SH3GL2: variants seen among roughly 807,000 people sequenced by gnomAD.
The protein encoded by SH3GL2 is SH3 domain containing GRB2 like 2, endophilin A1.
Under a neutral mutation model 46.0 loss-of-function variants are expected in SH3GL2, and 24 were observed. The ratio of observed to expected loss-of-function variants is 0.52; its 90% CI spans 0.38 to 0.73. The LOEUF (loss-of-function observed/expected upper bound fraction) is 0.73. Among genes scored for constraint, SH3GL2 ranks in the 30% least tolerant of loss-of-function variants. The pLI is 0.00. For missense variants in SH3GL2, 413 were observed against 424.2 expected, an observed-to-expected ratio of 0.97 and a Z score of 0.23; for synonymous variants, 196 against 147.1, an observed-to-expected ratio of 1.33 and a Z score of -2.40.
intron 3 of SH3GL2, among the ~76,000 whole-genome samples, chr9:17,773,109 GCTTTTTAGCCATTTGTATGT>G (rs1273154780): frequency 6.6e-6 from 1 of 152,028 alleles, no homozygotes; most frequent in African/African-American, 2.4e-5. Flanking sequence ...CTTTTTATGT[GCTTTTTAGCCATTTGTATGT>G]CTTCTTTGGG....
chr9:17,609,307 A>G (rs1403309511), intron 1 of SH3GL2, among the ~76,000 whole-genome samples: 2 of 152,032 alleles, frequency 1.3e-5, no homozygotes, highest in African/African-American at 4.8e-5. Context: ...TTTTGCAGAG[A>G]AAGTTTGAGA....
intron 1 of SH3GL2, chr9:17,630,285 A>G (rs575590155): frequency 6.6e-6 from 1 of 152,332 alleles, no homozygotes; most frequent in African/African-American, 2.4e-5. Flanking sequence ...GAATGGTGCT[A>G]ATAATAAGGT....
At chr9:17,724,823 T>C (rs1339725363) in intron 1 of SH3GL2, among the ~76,000 whole-genome samples, 2 of 152,162 alleles carry the variant, frequency 1.3e-5, no homozygotes, top group African/African-American at 4.8e-5. Flanking sequence ...TGTTTCTTTG[T>C]GTTTATCTGT....
intron 1 of SH3GL2, among the ~76,000 whole-genome samples, chr9:17,602,867 G>T (rs183227930): frequency 3.5e-4 from 54 of 152,318 alleles, no homozygotes; most frequent in African/African-American, 1.3e-3. Context: ...AGACATTGAT[G>T]TGCTATCAAG....
intron 1 of SH3GL2, among the ~76,000 whole-genome samples, chr9:17,664,949 T>G (rs1820306513): frequency 6.6e-6 from 1 of 152,122 alleles, no homozygotes; most frequent in Non-Finnish European, 1.5e-5. Context: ...TTAAAGAAAT[T>G]GATACTTTTA....
chr9:17,779,922 T>G (rs1823754837), intron 3 of SH3GL2, among the ~76,000 whole-genome samples: 1 of 152,154 alleles, frequency 6.6e-6, no homozygotes, highest in Non-Finnish European at 1.5e-5. Flanking sequence ...GTTCTTTATC[T>G]CACATTTGTA....
chr9:17,612,156 C>T (rs1017255833), intron 1 of SH3GL2, among the ~76,000 whole-genome samples: 2 of 152,132 alleles, frequency 1.3e-5, no homozygotes, highest in South Asian at 2.1e-4. Flanking sequence ...GTGGCATTGC[C>T]TGTCTGTCCT....
intron 1 of SH3GL2, among the ~76,000 whole-genome samples, chr9:17,597,417 C>G (rs192814086): frequency 8.6e-5 from 13 of 151,518 alleles, no homozygotes; most frequent in South Asian, 4.2e-4. Flanking sequence ...CTCGGGAGGC[C>G]GAGGCAGGAG....
chr9:17,785,096 T>C (rs932586597), intron 3 of SH3GL2, among the ~76,000 whole-genome samples: 2 of 152,204 alleles, frequency 1.3e-5, no homozygotes, highest in African/African-American at 4.8e-5. Flanking sequence ...TTTTTTCCAG[T>C]CACCACCAGC....
intron 1 of SH3GL2, among the ~76,000 whole-genome samples, chr9:17,584,060 T>A (rs1231516763): frequency 6.6e-6 from 1 of 152,180 alleles, no homozygotes; most frequent in Non-Finnish European, 1.5e-5. Context: ...TCTTAGCCAG[T>A]AGTCTCTAAT....
intron 2 of SH3GL2, among the ~76,000 whole-genome samples, chr9:17,756,641 C>A (rs1822998595): frequency 6.6e-6 from 1 of 152,072 alleles, no homozygotes; most frequent in African/African-American, 2.4e-5. Context: ...CACGTCCCTA[C>A]AAAGGACATG....
At chr9:17,585,520 A>G (rs745544536) in intron 1 of SH3GL2, among the ~76,000 whole-genome samples, 2 of 152,206 alleles carry the variant, frequency 1.3e-5, no homozygotes, top group Non-Finnish European at 2.9e-5. Context: ...TTATACTCAC[A>G]TGTCTTAGAA....
At chr9:17,793,609 A>G in intron 8 of SH3GL2, 112 bp downstream of exon 8, 1 of 999,400 alleles carries the variant, frequency 1.0e-6, no homozygotes, top group Non-Finnish European at 1.5e-6. Context: ...ATGCAGTAAT[A>G]CATTTCTTAT....
intron 3 of SH3GL2, among the ~76,000 whole-genome samples, chr9:17,780,369 G>A (rs9406727): frequency 0.12 from 17,598 of 151,786 alleles, 1,133 homozygotes; most frequent in Admixed American, 0.15. Context: ...TCATTGCTCT[G>A]TAGAATTCCC....
intron 1 of SH3GL2, among the ~76,000 whole-genome samples, chr9:17,680,842 T>C (rs1820748223): frequency 6.6e-6 from 1 of 152,174 alleles, no homozygotes; most frequent in African/African-American, 2.4e-5. Flanking sequence ...TTTGTTCTCG[T>C]TGGTTTGAAA....
intron 1 of SH3GL2, among the ~76,000 whole-genome samples, chr9:17,592,314 A>G (rs903452089): frequency 2.0e-5 from 3 of 152,200 alleles, no homozygotes; most frequent in Non-Finnish European, 2.9e-5. Context: ...ACTGATTCAG[A>G]TGCTAATGTC....
chr9:17,675,662 C>T (rs977004637), intron 1 of SH3GL2, among the ~76,000 whole-genome samples: 1 of 152,100 alleles, frequency 6.6e-6, no homozygotes, highest in African/African-American at 2.4e-5. Flanking sequence ...CATGCTAATG[C>T]CAGGCCGGGT....
intron 1 of SH3GL2, among the ~76,000 whole-genome samples, chr9:17,580,085 T>G (rs1037527626): frequency 2.0e-5 from 3 of 152,222 alleles, no homozygotes; most frequent in Non-Finnish European, 4.4e-5. Context: ...ATTTAGATTC[T>G]AATAATTAAA....
chr9:17,737,273 G>A (rs1477605555), intron 1 of SH3GL2, among the ~76,000 whole-genome samples: 1 of 151,974 alleles, frequency 6.6e-6, no homozygotes, highest in Non-Finnish European at 1.5e-5. Flanking sequence ...GATGGGTGCA[G>A]CAAACCACCA....
Sources: gnomAD v4.1 joint callset for allele counts (sites outside exome capture counted in the v4.1 genomes callset) on GRCh38, gnomAD v4.1.1 for gene constraint, MANE v1.5 for transcripts, NCBI Gene and HGNC (gene_info 2026-07-23, HGNC 2026-07-21) for gene names.